GNAQ: variants seen among roughly 807,000 people sequenced by gnomAD.
GNAQ encodes the protein guanine nucleotide-binding protein G(q) subunit alpha.
A neutral mutation model predicts 43.9 loss-of-function variants in GNAQ; 8 were observed. The observed-to-expected ratio is 0.18, with a 90% CI of 0.11 to 0.33. The LOEUF is 0.33. Among genes scored for constraint, GNAQ ranks in the 10% least tolerant of loss-of-function variants. The pLI, the probability that GNAQ is intolerant of heterozygous loss-of-function variation, is 1.00. For missense variants in GNAQ, 158 were observed against 450.8 expected (o/e 0.35, Z 5.88); for synonymous variants, 155 against 170.7 (o/e 0.91, Z 0.71).
intron 2 of GNAQ, among the ~76,000 whole-genome samples, chr9:77,893,922 T>A (rs745487376): frequency 1.6e-4 from 25 of 152,090 alleles, no homozygotes; most frequent in Non-Finnish European, 3.2e-4. Flanking sequence ...GACACCTTCT[T>A]CCTCCCCACT....
chr9:77,820,087 C>CAAAAAAAAAAA (rs3083136), intron 2 of GNAQ, among the ~76,000 whole-genome samples: 1 of 104,992 alleles, frequency 9.5e-6, no homozygotes, highest in Non-Finnish European at 1.8e-5. Context: ...ATTTAAAATG[C>CAAAAAAAAAAA]AAAAAAAAAA....
intron 1 of GNAQ, among the ~76,000 whole-genome samples, chr9:77,968,425 T>A (rs1157381478): frequency 6.6e-6 from 1 of 152,258 alleles, no homozygotes; most frequent in African/African-American, 2.4e-5. Flanking sequence ...TTCCAATTCT[T>A]ATACAAATGA....
At chr9:77,970,248 C>A (rs1035402164) in intron 1 of GNAQ, among the ~76,000 whole-genome samples, 41 of 151,330 alleles carry the variant, frequency 2.7e-4, no homozygotes, top group East Asian at 1.7e-3. Context: ...AACAAACAAA[C>A]AAAAAAAACT....
At chr9:77,890,303 G>A (rs10869983) in intron 2 of GNAQ, among the ~76,000 whole-genome samples, 19,843 of 152,074 alleles carry the variant, frequency 0.13, 1,530 homozygotes, top group East Asian at 0.31. Flanking sequence ...ATAATTTATC[G>A]AAGCCATCTG....
At chr9:77,767,012 A>G (rs1190950241) in intron 5 of GNAQ, among the ~76,000 whole-genome samples, 1 of 152,022 alleles carries the variant, frequency 6.6e-6, no homozygotes, top group Non-Finnish European at 1.5e-5. Flanking sequence ...TTGGAAAGAG[A>G]TTTTGGACAA....
intron 1 of GNAQ, among the ~76,000 whole-genome samples, chr9:77,986,416 C>A (rs1283142190): frequency 6.6e-6 from 1 of 152,154 alleles, no homozygotes; most frequent in Non-Finnish European, 1.5e-5. Flanking sequence ...CAAACCTAAT[C>A]AAAGCTCAAA....
intron 2 of GNAQ, among the ~76,000 whole-genome samples, chr9:77,906,143 T>C (rs1402603213): frequency 1.3e-5 from 2 of 152,186 alleles, no homozygotes; most frequent in South Asian, 2.1e-4. Context: ...TGATACTACC[T>C]GACATGTAAT....
intron 1 of GNAQ, among the ~76,000 whole-genome samples, chr9:77,972,668 T>C (rs953526952): frequency 2.6e-5 from 4 of 152,120 alleles, no homozygotes; most frequent in Non-Finnish European, 4.4e-5. Flanking sequence ...AGATTTCATT[T>C]ACTGGCCAGT....
chr9:77,807,130 T>C (rs148590748), intron 3 of GNAQ, among the ~76,000 whole-genome samples: 109 of 152,316 alleles, frequency 7.2e-4, no homozygotes, highest in Middle Eastern at 3.4e-3. Context: ...CAATTCATTA[T>C]TTTCAACTGA....
At chr9:77,938,969 C>T (rs552924819) in intron 1 of GNAQ, among the ~76,000 whole-genome samples, 1 of 152,290 alleles carries the variant, frequency 6.6e-6, no homozygotes, top group Admixed American at 6.5e-5. Context: ...ACTGACAGGG[C>T]CCCCTGCCCC....
At chr9:77,994,002 G>T (rs1225324044) in intron 1 of GNAQ, among the ~76,000 whole-genome samples, 1 of 151,912 alleles carries the variant, frequency 6.6e-6, no homozygotes, top group Admixed American at 6.6e-5. Context: ...TATATTGAGG[G>T]GCTTTGGGTT....
Position 77,815,769 on chromosome 9 carries a change from G to A in GNAQ, c.323C>T (p.Ala108Val), listed in dbSNP as rs377726080. The change falls in exon 3 of 7, where the codon GCT becomes GTT. Residue 108 changes from alanine to valine, a missense_variant and splice_region_variant. Coordinates refer to ENST00000286548, the MANE Select transcript of GNAQ (RefSeq NM_002072.5). The stretch of plus-strand genomic sequence containing the variant: ...AACTTCTCGAACTAATTGTGCATGA[G>A]CCTGTTTAAATAAAAAAAGGCAGTT... ...KIPYKYEHNK[A>V]HAQLVREVDV... The A allele has an allele frequency of 3.7e-6, 6 of 1,606,076 alleles. No individual in the cohort carries two copies. The highest frequency in any genetic ancestry group is 3.4e-5 in the Admixed American group (2 of 58,654).
At chr9:77,814,643 A>G (rs1826983571) in intron 3 of GNAQ, among the ~76,000 whole-genome samples, 1 of 152,192 alleles carries the variant, frequency 6.6e-6, no homozygotes, top group Admixed American at 6.5e-5. Flanking sequence ...GCTCTTAGAT[A>G]TTCCATGCAC....
At chr9:77,766,815 G>A (rs1826143664) in intron 5 of GNAQ, among the ~76,000 whole-genome samples, 1 of 152,206 alleles carries the variant, frequency 6.6e-6, no homozygotes, top group African/African-American at 2.4e-5. Flanking sequence ...GACTGGTTCT[G>A]AGTGAATGCC....
chr9:77,737,744 T>C (rs1332667200), intron 5 of GNAQ, among the ~76,000 whole-genome samples: 1 of 152,188 alleles, frequency 6.6e-6, no homozygotes, highest in African/African-American at 2.4e-5. Flanking sequence ...AGTGGCTACT[T>C]GAATGGGTGG....
chr9:77,956,551 C>T (rs558842017), intron 1 of GNAQ, among the ~76,000 whole-genome samples: 57 of 152,272 alleles, frequency 3.7e-4, no homozygotes, highest in Middle Eastern at 3.4e-3. Context: ...GGCACTGCAA[C>T]CCTCTTGGAT....
intron 5 of GNAQ, among the ~76,000 whole-genome samples, chr9:77,745,971 G>T (rs894103342): frequency 1.3e-5 from 2 of 151,910 alleles, no homozygotes; most frequent in Non-Finnish European, 2.9e-5. Context: ...TTAAATTTCA[G>T]AATTATCTTA....
chr9:77,989,076 C>T (rs1435722748), intron 1 of GNAQ, among the ~76,000 whole-genome samples: 1 of 151,926 alleles, frequency 6.6e-6, no homozygotes, highest in African/African-American at 2.4e-5. Context: ...GCTGGCAAAA[C>T]TTTTTTTTAG....
intron 3 of GNAQ, among the ~76,000 whole-genome samples, chr9:77,815,279 T>C (rs1439090117): frequency 1.3e-5 from 2 of 152,328 alleles, no homozygotes; most frequent in East Asian, 3.9e-4. Context: ...AAAATTATTA[T>C]TACAAGATTT....
Sources: allele counts gnomAD v4.1 joint callset (sites outside exome capture counted in the v4.1 genomes callset), GRCh38; gene constraint gnomAD v4.1.1; transcripts MANE v1.5; gene names NCBI Gene and HGNC (gene_info 2026-07-23, HGNC 2026-07-21).